Variants in CFAP46 observed in about 807,000 individuals in gnomAD.
CFAP46 encodes the protein cilia and flagella associated protein 46.
Under a neutral mutation model 325.7 loss-of-function variants are expected in CFAP46, and 245 were observed. That is an observed-to-expected ratio of 0.75 (90% CI 0.68 to 0.84). The LOEUF (loss-of-function observed/expected upper bound fraction) is 0.84. Ranked by LOEUF, CFAP46 falls within the 40% of genes least tolerant of loss-of-function variation. CFAP46 has a pLI of 0.00. For synonymous variants in CFAP46, 1,523 were observed against 1,495.9 expected, an observed-to-expected ratio of 1.02 and a Z score of -0.42; for missense variants, 3,346 against 3,543.0, an observed-to-expected ratio of 0.94 and a Z score of 1.41.
intron 24 of CFAP46, among the ~76,000 whole-genome samples, chr10:132,892,624 CTTAAG>C (rs1391414114): frequency 1.3e-5 from 2 of 152,206 alleles, no homozygotes; most frequent in African/African-American, 2.4e-5. Flanking sequence ...CAATTAATAA[CTTAAG>C]TTATTTTAAT....
chr10:132,913,161 C>T lies in CFAP46; in HGVS notation c.2218G>A (p.Ala740Thr), dbSNP rs764398409. ...TTGTGGTTCAGGACGTAGACCACGG[C>T]GTTCTGCACAATCCACGCCTCCTGG... ...EIQEAWIVQNAVVYVLNHNHH... is the reference protein window; with the variant it reads ...EIQEAWIVQNTVVYVLNHNHH... Residue 740 changes from alanine to threonine, a missense_variant, in exon 18 of 58, where the codon GCC becomes ACC. Transcript: ENST00000368586. The T allele has an allele frequency of 3.7e-5, 58 of 1,550,338 alleles. No homozygotes were observed. Among genetic ancestry groups the T allele is most frequent in the African/African-American group, 2.7e-4 (20 of 73,060 alleles).
intron 50 of CFAP46, among the ~76,000 whole-genome samples, chr10:132,821,562 CTG>C (rs1457583591): frequency 9.0e-5 from 10 of 110,728 alleles, no homozygotes; most frequent in African/African-American, 1.5e-4. Context: ...CTGACGTGTG[CTG>C]TGTGTGCGCT....
chr10:132,942,552 G>T lies in CFAP46; in HGVS notation c.-68C>A. On this transcript the variant is annotated 5_prime_UTR_variant, in exon 1 of 58. Transcript: ENST00000368586. ...TGCGTCCTGCCGCCCACTGTCGGTT[G>T]GGTTCTCCAGCCGCGAGGACCCGGC... 1 of 1,216,762 alleles carries T rather than the reference G, an allele frequency of 8.2e-7. No individual in the cohort carries two copies. The highest frequency in any genetic ancestry group is 1.0e-6 in the Non-Finnish European group (1 of 969,316). 75.4% of individuals were successfully genotyped at this position (1,216,762 alleles called of 1,614,324 possible). A position where few individuals can be genotyped will look rare whatever the true frequency, so the allele number is the denominator to read the frequency against.
intron 40 of CFAP46, among the ~76,000 whole-genome samples, chr10:132,850,882 G>A (rs1168953491): frequency 6.6e-6 from 1 of 152,240 alleles, no homozygotes; most frequent in South Asian, 2.1e-4. Context: ...GGGAAGGGCA[G>A]CTGTGGGTCA....
At chr10:132,824,275 G>GA (rs1226214605) in intron 50 of CFAP46, among the ~76,000 whole-genome samples, 40 of 144,768 alleles carry the variant, frequency 2.8e-4, no homozygotes, top group African/African-American at 1.0e-3. Context: ...GATGTGTGCT[G>GA]TGTGTGCTGA....
chr10:132,908,330 C>G, intron 22 of CFAP46, 138 bp downstream of exon 22: 1 of 1,021,156 alleles, frequency 9.8e-7, no homozygotes, highest in South Asian at 1.6e-5. Flanking sequence ...GATCTGTGAT[C>G]GCGGCCCAGG....
At chr10:132,930,624 TCCCTCCTCTCCACACAGAGCCTGGGCC>T (rs1564804560) in intron 8 of CFAP46, among the ~76,000 whole-genome samples, 4 of 104,788 alleles carry the variant, frequency 3.8e-5, no homozygotes, top group Admixed American at 9.6e-5. Context: ...AGCCTGGGCC[TCCCTCCTCTCCACACAGAGCCTGGGCC>T]TCCCCACACT....
At chr10:132,813,909 G>T (rs1429222569) in intron 54 of CFAP46, among the ~76,000 whole-genome samples, 1 of 152,204 alleles carries the variant, frequency 6.6e-6, no homozygotes, top group Non-Finnish European at 1.5e-5. Context: ...AGCCCCTGCT[G>T]CTGGACCATG....
At chr10:132,885,412 T>G in intron 26 of CFAP46, 126 bp from the exon 27 acceptor site, 1 of 956,472 alleles carries the variant, frequency 1.0e-6, no homozygotes, top group Non-Finnish European at 1.5e-6. Flanking sequence ...AGAGCCCAGG[T>G]GAGCGGGGGT....
intron 7 of CFAP46, among the ~76,000 whole-genome samples, chr10:132,935,782 C>T (rs1418966132): frequency 3.0e-3 from 333 of 110,468 alleles, no homozygotes; most frequent in Middle Eastern, 0.011. Context: ...ACTGTGATCT[C>T]CTCACTCCCC....
At chr10:132,823,291 G>GA (rs1847931422) in intron 50 of CFAP46, among the ~76,000 whole-genome samples, 1 of 115,136 alleles carries the variant, frequency 8.7e-6, no homozygotes, top group African/African-American at 3.5e-5. Flanking sequence ...TGTGTGTGCT[G>GA]TGTGTTGTGT....
intron 41 of CFAP46, among the ~76,000 whole-genome samples, chr10:132,849,587 C>T (rs1591051552): frequency 6.6e-6 from 1 of 152,194 alleles, no homozygotes; most frequent in East Asian, 1.9e-4. Flanking sequence ...TCACCAGGGT[C>T]CTGAGGGAGC....
At chr10:132,833,767 T>A (rs565242699) in intron 49 of CFAP46, among the ~76,000 whole-genome samples, 101 of 152,222 alleles carry the variant, frequency 6.6e-4, no homozygotes, top group African/African-American at 2.1e-3. Context: ...GGGCTGACAA[T>A]CCACCCACGC....
At chr10:132,915,120 T>G (rs996716293) in intron 17 of CFAP46, among the ~76,000 whole-genome samples, 3 of 152,280 alleles carry the variant, frequency 2.0e-5, no homozygotes, top group African/African-American at 7.2e-5. Flanking sequence ...TAGTCTTCAC[T>G]GTATATTTTT....
At chr10:132,901,017 G>A (rs1048599267) in intron 22 of CFAP46, among the ~76,000 whole-genome samples, 1 of 152,162 alleles carries the variant, frequency 6.6e-6, no homozygotes, top group African/African-American at 2.4e-5. Context: ...CGCGTGCCTG[G>A]GCCGTTTAAC....
chr10:132,896,195 G>A (rs934738286), intron 24 of CFAP46, among the ~76,000 whole-genome samples: 2 of 143,444 alleles, frequency 1.4e-5, no homozygotes, highest in African/African-American at 2.7e-5. Context: ...GAGACACGGC[G>A]AGAAGGCAGC....
In CFAP46 at chr10:132,857,795, A is replaced by G. The variant is rs1371632380; in HGVS notation, c.5376-7T>C. The G allele has an allele frequency of 2.0e-6, 3 of 1,506,260 alleles. No individual in the cohort carries two copies. Among genetic ancestry groups the G allele is most frequent in the Admixed American group, 5.1e-5 (2 of 38,890 alleles). 93.3% of individuals were successfully genotyped at this position (1,506,260 alleles called of 1,614,324 possible). ...CTCGTTCTGGGCACGTAACCTTTAT[A>G]AGACATAAGAATGGAATTTTAAAAC... On this transcript the variant is annotated splice_region_variant and splice_polypyrimidine_tract_variant and intron_variant, in intron 38 of 57. Transcript: ENST00000368586.
At chr10:132,879,389 G>T in intron 29 of CFAP46, 37 bp downstream of exon 29, 1 of 1,451,842 alleles carries the variant, frequency 6.9e-7, no homozygotes, top group Non-Finnish European at 9.1e-7. Context: ...GTCCCGGGAG[G>T]TGCTGCAGGA....
At chr10:132,883,142 C>T (rs182474925) in intron 27 of CFAP46, among the ~76,000 whole-genome samples, 3 of 152,168 alleles carry the variant, frequency 2.0e-5, no homozygotes, top group Non-Finnish European at 4.4e-5. Context: ...CAATTTAAAA[C>T]GTGTTTGTGC....
Sources: allele counts gnomAD v4.1 joint callset (sites outside exome capture counted in the v4.1 genomes callset), GRCh38; gene constraint gnomAD v4.1.1; transcripts MANE v1.5; gene names NCBI Gene and HGNC (gene_info 2026-07-23, HGNC 2026-07-21).